The following ADGRF5 variants were observed in gnomAD, a reference collection of about 807,000 sequenced individuals.
ADGRF5 encodes the protein G-protein coupled receptor 116.
Under a neutral mutation model 132.3 loss-of-function variants are expected in ADGRF5, and 75 were observed. That is an observed-to-expected ratio of 0.57 (90% CI 0.47 to 0.69). The LOEUF (loss-of-function observed/expected upper bound fraction) is 0.69. Among genes scored for constraint, ADGRF5 ranks in the 30% least tolerant of loss-of-function variants. ADGRF5 has a pLI of 0.00. For synonymous variants in ADGRF5, 629 were observed against 597.6 expected (o/e 1.05, Z -0.77); for missense variants, 1,516 against 1,630.6 (o/e 0.93, Z 1.21).
intron 3 of ADGRF5, among the ~76,000 whole-genome samples, chr6:46,892,193 CACACACACACACACACAG>C (rs1254048153): frequency 2.7e-5 from 4 of 148,924 alleles, no homozygotes; most frequent in South Asian, 2.1e-4. Context: ...CACACACACA[CACACACACACACACACAG>C]AAAGAGAGAG....
intron 1 of ADGRF5, among the ~76,000 whole-genome samples, chr6:46,936,976 C>T (rs923274758): frequency 6.6e-6 from 1 of 152,198 alleles, no homozygotes; most frequent in Non-Finnish European, 1.5e-5. Context: ...TCTGACACCT[C>T]TCTTACCTCC....
rs611779 is a variant in ADGRF5, at chr6:46,859,173, G to T, written c.2730C>A (p.Ala910=). The change falls in exon 17 of 21, where the codon GCC becomes GCA. Residue 910 remains alanine, a synonymous_variant. Transcript: ENST00000283296. ...CAAAGTTATTTTCCTGGATATCCTG[G>T]GCAAGGATGGCTTGGAGAGTTGGGA... The part of the protein sequence containing the change: ...MAFPTLQAIL[A]QDIQENNFAE... The T allele has an allele frequency of 6.2e-7, 1 of 1,613,896 alleles. No individual in the cohort carries two copies. Among genetic ancestry groups the T allele is most frequent in the Non-Finnish European group, 8.5e-7 (1 of 1,179,892 alleles).
intron 14 of ADGRF5, 139 bp downstream of exon 14, chr6:46,864,903 C>T: frequency 1.7e-6 from 1 of 598,570 alleles, no homozygotes; most frequent in Non-Finnish European, 2.9e-6. Context: ...CTTTTAAATA[C>T]CACTATGGTG....
chr6:46,891,360 C>T (rs1394853793), intron 3 of ADGRF5, among the ~76,000 whole-genome samples: 2 of 152,112 alleles, frequency 1.3e-5, no homozygotes, highest in Non-Finnish European at 2.9e-5. Flanking sequence ...GGAATATTTA[C>T]GAGGAGAAAG....
At chr6:46,875,796 C>T (rs1031667044) in intron 10 of ADGRF5, among the ~76,000 whole-genome samples, 3 of 151,906 alleles carry the variant, frequency 2.0e-5, no homozygotes, top group African/African-American at 2.4e-5. Context: ...AACAAACAAA[C>T]AAAAAACAAA....
intron 2 of ADGRF5, among the ~76,000 whole-genome samples, chr6:46,904,078 G>T (rs564246503): frequency 6.6e-6 from 1 of 152,164 alleles, no homozygotes; most frequent in Non-Finnish European, 1.5e-5. Context: ...ACTGGAGCAG[G>T]ATCCAGGGCA....
chr6:46,906,808 T>C (rs780416957), intron 1 of ADGRF5, 22 bp from the exon 2 acceptor site: 57 of 943,404 alleles, frequency 6.0e-5, no homozygotes, highest in Non-Finnish European at 6.3e-5. Flanking sequence ...ATATGATGGT[T>C]TAGATATACA....
chr6:46,859,216 G>C lies in ADGRF5; in HGVS notation c.2687C>G (p.Ser896Cys). The change falls in exon 17 of 21, where the codon TCT becomes TGT. Residue 896 changes from serine to cysteine, a missense_variant. Ser to Cys is a moderately radical substitution (Grantham distance 112). Around this residue, in one of 2 missense-constraint regions of ADGRF5, gnomAD observed 571 missense variants for 701.2 expected, o/e 0.81. Transcript: ENST00000283296. ...AGTTGGGAAAGCCATGGTGACAATAGACGAATCCGACTGCAAGTTTTCTAG... is the reference window on the plus strand; with the variant it reads ...AGTTGGGAAAGCCATGGTGACAATACACGAATCCGACTGCAAGTTTTCTAG... ...SYLENLQSDS[S>C]IVTMAFPTLQ... 1 of 1,614,130 alleles carries C rather than the reference G, an allele frequency of 6.2e-7. No homozygotes were observed. The highest frequency in any genetic ancestry group is 1.1e-5 in the South Asian group (1 of 91,068).
At chr6:46,943,408 C>G (rs559855973) in intron 1 of ADGRF5, among the ~76,000 whole-genome samples, 2 of 152,148 alleles carry the variant, frequency 1.3e-5, no homozygotes, top group African/African-American at 4.8e-5. Context: ...TTTCTGGGCA[C>G]CTACTTTGTG....
chr6:46,920,496 A>G (rs11757920), intron 1 of ADGRF5, among the ~76,000 whole-genome samples: 1 of 135,476 alleles, frequency 7.4e-6, no homozygotes, highest in Non-Finnish European at 1.6e-5. Flanking sequence ...TTTAACTGGT[A>G]ACACAGAAAA....
At chr6:46,914,613 C>A (rs895763240) in intron 1 of ADGRF5, among the ~76,000 whole-genome samples, 2 of 151,974 alleles carry the variant, frequency 1.3e-5, no homozygotes, top group East Asian at 1.9e-4. Context: ...CGTTGATAAC[C>A]TTTTATCCCT....
At chr6:46,876,894 C>A (rs994668378) in intron 10 of ADGRF5, among the ~76,000 whole-genome samples, 2 of 70,214 alleles carry the variant, frequency 2.8e-5, no homozygotes, top group Non-Finnish European at 8.2e-5. Flanking sequence ...CGTGAGCCAC[C>A]GCCCCTGTTC....
chr6:46,899,936 C>G, intron 3 of ADGRF5, 93 bp downstream of exon 3: 1 of 879,934 alleles, frequency 1.1e-6, no homozygotes. Flanking sequence ...TGATTGGAGG[C>G]TGAATTATGT....
chr6:46,877,268 T>TTTCTTTCC lies in ADGRF5; in HGVS notation c.1240+933_1240+934insGGAAAGAA, dbSNP rs1581803778. ...CTTTCTTTCTTTCTTTCTTTCTTTC[T>TTTCTTTCC]TTCTTTCTTTCTTTCTTTCTTTCTC... On this transcript the variant is annotated intron_variant, in intron 10 of 20. Transcript: ENST00000283296. Among the ~76,000 whole-genome samples, 5 of 39,974 alleles carry TTTCTTTCC rather than the reference T, an allele frequency of 1.3e-4. No individual in the cohort carries two copies. The East Asian group carries it at 2.5e-3, about 20-fold the overall frequency. 26.2% of individuals were successfully genotyped at this position (39,974 alleles called of 152,430 possible).
chr6:46,933,729 C>T (rs1459131995), intron 1 of ADGRF5, among the ~76,000 whole-genome samples: 3 of 152,182 alleles, frequency 2.0e-5, no homozygotes, highest in South Asian at 2.1e-4. Flanking sequence ...CTCCACAGCT[C>T]CCATGGCCTA....
chr6:46,882,007 C>A (rs200752026), intron 7 of ADGRF5, 42 bp downstream of exon 7: 1 of 1,392,406 alleles, frequency 7.2e-7, no homozygotes, highest in African/African-American at 1.4e-5. Flanking sequence ...CCATATGGAT[C>A]CCAGCCATAA....
chr6:46,881,567 G>T lies in ADGRF5; in HGVS notation c.702C>A (p.Val234=), dbSNP rs776564815. The T allele has an allele frequency of 5.0e-6, 8 of 1,613,614 alleles. No individual in the cohort carries two copies. The South Asian group carries it at 7.7e-5, about 16-fold the overall frequency. ...ACTCAAGTGATGGTGGTGTAGTCTT[G>T]ACTTCATATGTCACAACCACACTTC... The part of the protein sequence containing the change: ...KSGSVVVTYE[V]KTTPPSLELI... Residue 234 remains valine (V), a synonymous_variant, in exon 8 of 21, where the codon GTC becomes GTA. Coordinates refer to ENST00000283296, the MANE Select transcript of ADGRF5 (RefSeq NM_001098518.2).
chr6:46,895,887 C>A (rs1355415077), intron 3 of ADGRF5, among the ~76,000 whole-genome samples: 1 of 151,976 alleles, frequency 6.6e-6, no homozygotes, highest in Admixed American at 6.6e-5. Flanking sequence ...CAAGCTTCTC[C>A]TTCCAACTCT....
At chr6:46,907,369 A>T (rs1775491459) in intron 1 of ADGRF5, among the ~76,000 whole-genome samples, 1 of 151,588 alleles carries the variant, frequency 6.6e-6, no homozygotes, top group Non-Finnish European at 1.5e-5. Flanking sequence ...TATTTTATTT[A>T]TTTATTTTTT....
Sources: allele counts gnomAD v4.1 joint callset (sites outside exome capture counted in the v4.1 genomes callset), GRCh38; gene constraint gnomAD v4.1.1; regional missense constraint gnomAD v4.1.1; transcripts MANE v1.5; gene names NCBI Gene and HGNC (gene_info 2026-07-23, HGNC 2026-07-21).